Variants in PHF19 observed in about 807,000 individuals in gnomAD.
PHF19 encodes the protein polycomb like 3.
A neutral mutation model predicts 79.8 loss-of-function variants in PHF19; 21 were observed. The observed-to-expected ratio is 0.26, with a 90% confidence interval of 0.19 to 0.38. The LOEUF is 0.38. PHF19 is among the 10% of genes least tolerant of loss of function. PHF19 has a pLI of 1.00. For missense variants in PHF19, 445 were observed against 744.2 expected, an observed-to-expected ratio of 0.60 and a Z score of 4.68; for synonymous variants, 273 against 296.3, an observed-to-expected ratio of 0.92 and a Z score of 0.81.
chr9:120,866,134 G>A lies in PHF19; in HGVS notation c.711-38C>T. On this transcript the variant is annotated intron_variant, in intron 7 of 14. Coordinates refer to ENST00000373896, the MANE Select transcript of PHF19 (RefSeq NM_015651.3). The surrounding 1 kb of genome is among the most constrained non-coding windows in gnomAD (Gnocchi z 5.2). Reference sequence around the variant, plus strand: ...AGAGACGGGGGCCTATGGTGGGAGGGGCTCTGACACCCCCACCCCAGTCCA... The same window carrying A: ...AGAGACGGGGGCCTATGGTGGGAGGAGCTCTGACACCCCCACCCCAGTCCA... 6.8e-7 allele frequency: 1 copy of A among 1,462,530 alleles called. No individual in the cohort carries two copies. Among genetic ancestry groups the A allele is most frequent in the Non-Finnish European group, 9.6e-7 (1 of 1,042,312 alleles). 90.6% of individuals were successfully genotyped at this position (1,462,530 alleles called of 1,614,324 possible).
At chr9:120,877,423 C>G, upstream of PHF19, 1 of 926,250 alleles carries the variant, frequency 1.1e-6, no homozygotes, top group South Asian at 4.9e-5. Context: ...GGCTCCGCAG[C>G]GCCGCCAGCC....
At chr9:120,859,953 T>C (rs2045469802) in intron 14 of PHF19, 137 bp downstream of exon 14, 3 of 630,640 alleles carry the variant, frequency 4.8e-6, no homozygotes, top group African/African-American at 1.8e-5. Context: ...AGACTCACAA[T>C]TGCAGAAGGC....
At position 120,874,324 on chromosome 9, in the gene PHF19, T is replaced by C. The variant is rs1417279664; in HGVS notation, c.186+232A>G. On this transcript the variant is annotated intron_variant, in intron 2 of 14. Coordinates refer to ENST00000373896, the MANE Select transcript of PHF19 (RefSeq NM_015651.3). This position sits in a 1 kb window ranked among gnomAD's most constrained non-coding sequence, Gnocchi z 4.5. Reference sequence around the variant, plus strand: ...CTGTGATCCTCTCAAACCTGACTTTTTTGTTTTGTAGGCTCTCAGAGCACT... The same window carrying C: ...CTGTGATCCTCTCAAACCTGACTTTCTTGTTTTGTAGGCTCTCAGAGCACT... Among the ~76,000 whole-genome samples, 1 of 152,150 alleles carries C rather than the reference T, an allele frequency of 6.6e-6. No homozygotes were observed. The highest frequency in any genetic ancestry group is 1.5e-5 in the Non-Finnish European group (1 of 68,016).
At position 120,866,042 on chromosome 9, in the gene PHF19, C is replaced by T. The variant is rs766646332; in HGVS notation, c.765G>A (p.Arg255=). ...VCNQGPEYIE[R]LPLRWVDVVH... ...CACCCTCTCACCATCGCAGGGGCAG[C>T]CTCTCGATGTACTCTGGGCCCTGGT... The change falls in exon 8 of 15, where the codon AGG becomes AGA. Residue 255 remains arginine (R), a synonymous_variant. Coordinates refer to ENST00000373896, the MANE Select transcript of PHF19 (RefSeq NM_015651.3). This position sits in a 1 kb window ranked among gnomAD's most constrained non-coding sequence, Gnocchi z 5.2. 3 of 1,613,686 alleles carry T rather than the reference C, an allele frequency of 1.9e-6. No individual in the cohort carries two copies. The Admixed American group carries it at 5.0e-5, about 27-fold the overall frequency.
intron 10 of PHF19, among the ~76,000 whole-genome samples, chr9:120,863,607 G>GC (rs1467214634): frequency 2.0e-5 from 3 of 152,196 alleles, no homozygotes; most frequent in African/African-American, 7.2e-5. Flanking sequence ...GGCCTTGAGT[G>GC]CCAGGTTCAG....
chr9:120,872,028 ACT>A (rs1290963923), intron 3 of PHF19, among the ~76,000 whole-genome samples: 7 of 109,380 alleles, frequency 6.4e-5, no homozygotes, highest in Non-Finnish European at 1.0e-4. Context: ...ACAGAGCAAG[ACT>A]CTGTCTCAAA....
chr9:120,861,319 C>A (rs1175686901), intron 12 of PHF19, 145 bp from the exon 13 acceptor site: 44 of 681,648 alleles, frequency 6.5e-5, no homozygotes, highest in Non-Finnish European at 2.2e-5. Context: ...AAGTCCTGAC[C>A]AGGGAGCCAA....
At chr9:120,887,637 CACACACACACACACAG>C (rs71385101) in intron 1 of PHF19, among the ~76,000 whole-genome samples, 4,045 of 111,252 alleles carry the variant, frequency 0.036, 78 homozygotes, top group South Asian at 0.047. Flanking sequence ...CACACACACA[CACACACACACACACAG>C]ACACACACAC....
chr9:120,887,649 C>G (rs1418366633), intron 1 of PHF19, among the ~76,000 whole-genome samples: 2 of 40,612 alleles, frequency 4.9e-5, no homozygotes, highest in Admixed American at 3.2e-4. Flanking sequence ...CACACACACA[C>G]ACAGACACAC....
At chr9:120,885,082 G>C (rs1433928576) in intron 1 of PHF19, among the ~76,000 whole-genome samples, 1 of 152,066 alleles carries the variant, frequency 6.6e-6, no homozygotes, top group African/African-American at 2.4e-5. Context: ...AGCTGGGGTG[G>C]TGACATGCAC....
chr9:120,872,770 C>G (rs1043166120), intron 3 of PHF19, among the ~76,000 whole-genome samples: 2 of 151,038 alleles, frequency 1.3e-5, no homozygotes, highest in Non-Finnish European at 2.9e-5. Flanking sequence ...ACTGCAACCT[C>G]CTGCCTCAGC....
chr9:120,889,391 A>G (rs1269279352), intron 1 of PHF19, among the ~76,000 whole-genome samples: 3 of 142,534 alleles, frequency 2.1e-5, no homozygotes, highest in Admixed American at 1.5e-4. Context: ...ATGCCATTGT[A>G]CTCTGGCCTG....
At position 120,891,394 on chromosome 9, in the gene PHF19, C is replaced by T. The variant is rs2046341320; in HGVS notation, c.42+3394G>A. Reference sequence around the variant, plus strand: ...GCTCAATCTTAAGCCCGCACACCTGCCGTACTTTGGGATCACCCCGGGAAC... The same window carrying T: ...GCTCAATCTTAAGCCCGCACACCTGTCGTACTTTGGGATCACCCCGGGAAC... On this transcript the variant is annotated intron_variant, in intron 1 of 14. Coordinates refer to the PHF19 transcript ENST00000616568. The surrounding 1 kb of genome is among the most constrained non-coding windows in gnomAD (Gnocchi z 4.3). Among the ~76,000 whole-genome samples, 1 of 152,192 alleles carries T rather than the reference C, an allele frequency of 6.6e-6. No homozygotes were observed. The highest frequency in any genetic ancestry group is 2.4e-5 in the African/African-American group (1 of 41,434).
chr9:120,894,479 T>C (rs1309606606), intron 1 of PHF19, among the ~76,000 whole-genome samples: 1 of 152,064 alleles, frequency 6.6e-6, no homozygotes, highest in Non-Finnish European at 1.5e-5. Context: ...ATCCCGGAGG[T>C]ACCTCCCGGG....
rs536258616 is a variant in PHF19, at chr9:120,865,581, A to G, written c.900+129T>C. ...GAAGGCCCTTAAAGGACACAAGATC[A>G]GAGGCCTGGACTCAGGGATGCAGCA... On this transcript the variant is annotated intron_variant, in intron 9 of 14. Transcript: ENST00000373896. 226 of 1,181,756 alleles carry G rather than the reference A, an allele frequency of 1.9e-4. 1 individual carries two copies. Among genetic ancestry groups the G allele is most frequent in the Middle Eastern group, 1.5e-3 (6 of 4,108 alleles). The allele number at this position is 1,181,756 out of a possible 1,614,324, so 73.2% of individuals were successfully genotyped here. A position where few individuals can be genotyped will look rare whatever the true frequency, so the allele number is the denominator to read the frequency against.
At chr9:120,898,979 A>G (rs2046421219), upstream of PHF19, among the ~76,000 whole-genome samples, 1 of 152,046 alleles carries the variant, frequency 6.6e-6, no homozygotes, top group Admixed American at 6.6e-5. Context: ...CAGGTGGATT[A>G]CCTGAGGTCG....
intron 1 of PHF19, among the ~76,000 whole-genome samples, chr9:120,888,367 G>A (rs535669126): frequency 5.1e-4 from 78 of 152,324 alleles, no homozygotes; most frequent in African/African-American, 1.3e-3. Flanking sequence ...GTGGCAGCTC[G>A]AAGAGCTGAG....
At chr9:120,899,989 ACTTTT>A in the PHF19 span, among the ~76,000 whole-genome samples, 2 of 151,858 alleles carry the variant, frequency 1.3e-5, no homozygotes, top group Admixed American at 1.3e-4. Context: ...TGAGCAACTG[ACTTTT>A]CTTTTTTTTT....
chr9:120,862,468 A>T lies in PHF19; in HGVS notation c.1130+120T>A. 1.2e-6 allele frequency: 1 copy of T among 804,402 alleles called. No individual in the cohort carries two copies. Among genetic ancestry groups the T allele is most frequent in the Non-Finnish European group, 2.0e-6 (1 of 489,674 alleles). The allele number at this position is 804,402 out of a possible 1,614,324, so 49.8% of individuals were successfully genotyped here. A position where few individuals can be genotyped will look rare whatever the true frequency, so the allele number is the denominator to read the frequency against. The stretch of plus-strand genomic sequence containing the variant: ...GGATCTGGGATCCCGCTCAGCCACT[A>T]TCTAGCCCTCTCAGGGTCCTACAGC... On this transcript the variant is annotated intron_variant, in intron 11 of 14. Coordinates refer to ENST00000373896, the MANE Select transcript of PHF19 (RefSeq NM_015651.3). The surrounding 1 kb of genome is among the most constrained non-coding windows in gnomAD (Gnocchi z 4.6).
Sources: gnomAD v4.1 joint callset for allele counts (sites outside exome capture counted in the v4.1 genomes callset) on GRCh38, gnomAD v4.1.1 for gene constraint, Gnocchi (gnomAD v3.1) non-coding constraint, MANE v1.5 for transcripts, NCBI Gene and HGNC (gene_info 2026-07-23, HGNC 2026-07-21) for gene names.